CDH2: variants seen among roughly 807,000 people sequenced by gnomAD.
CDH2 encodes cadherin-2.
Under a neutral mutation model 92.0 loss-of-function variants are expected in CDH2, and 17 were observed. The ratio of observed to expected loss-of-function variants is 0.18; its 90% CI spans 0.13 to 0.28. The LOEUF (loss-of-function observed/expected upper bound fraction) is 0.28. Among genes scored for constraint, CDH2 ranks in the 10% least tolerant of loss-of-function variants. CDH2 has a pLI of 1.00. For synonymous variants in CDH2, 419 were observed against 415.9 expected (o/e 1.01, Z -0.09); for missense variants, 862 against 1,133.1 (o/e 0.76, Z 3.44).
intron 15 of CDH2, among the ~76,000 whole-genome samples, chr18:27,953,287 T>C (rs1203237295): frequency 6.6e-6 from 1 of 152,192 alleles, no homozygotes; most frequent in Admixed American, 6.6e-5. Context: ...GTAACTTTTG[T>C]AAGCAGATGC....
intron 2 of CDH2, among the ~76,000 whole-genome samples, chr18:28,129,227 G>A (rs1335413072): frequency 6.6e-6 from 1 of 152,074 alleles, no homozygotes; most frequent in Non-Finnish European, 1.5e-5. Context: ...CATTGCTAAT[G>A]CTAAATTATT....
At chr18:27,953,158 A>T (rs1567933699) in intron 15 of CDH2, among the ~76,000 whole-genome samples, 3 of 152,210 alleles carry the variant, frequency 2.0e-5, no homozygotes. Context: ...CAATATCTGT[A>T]CACGGTATAA....
intron 2 of CDH2, among the ~76,000 whole-genome samples, chr18:28,038,778 C>G (rs1287153331): frequency 6.6e-6 from 1 of 152,064 alleles, no homozygotes; most frequent in Non-Finnish European, 1.5e-5. Flanking sequence ...TTATTAGTTT[C>G]TTTACTCATG....
At chr18:28,087,733 T>G (rs773663021) in intron 2 of CDH2, among the ~76,000 whole-genome samples, 4 of 151,588 alleles carry the variant, frequency 2.6e-5, no homozygotes, top group African/African-American at 7.3e-5. Context: ...GCTCCAAATT[T>G]CAGAGGCTCA....
intron 2 of CDH2, among the ~76,000 whole-genome samples, chr18:28,049,723 C>T (rs1044876100): frequency 6.6e-6 from 1 of 152,222 alleles, no homozygotes; most frequent in Non-Finnish European, 1.5e-5. Context: ...TCAGCCACAT[C>T]CTGCAGACCT....
intron 2 of CDH2, among the ~76,000 whole-genome samples, chr18:28,088,546 A>C (rs1398109798): frequency 5.3e-5 from 8 of 152,140 alleles, no homozygotes; most frequent in Non-Finnish European, 1.2e-4. Flanking sequence ...TTTCAGCCTC[A>C]TGTGCTTGAA....
intron 1 of CDH2, among the ~76,000 whole-genome samples, chr18:28,175,968 G>A (rs751851390): frequency 5.9e-5 from 9 of 152,202 alleles, no homozygotes; most frequent in Admixed American, 2.6e-4. Context: ...CCAGGCCTGG[G>A]CTGGCTGGTC....
intron 9 of CDH2, among the ~76,000 whole-genome samples, chr18:27,990,781 T>C (rs2012390394): frequency 6.6e-6 from 1 of 152,186 alleles, no homozygotes; most frequent in Non-Finnish European, 1.5e-5. Context: ...CTATGATGAA[T>C]TGAAGAAAAC....
intron 1 of CDH2, among the ~76,000 whole-genome samples, chr18:28,161,443 G>A (rs2016304766): frequency 6.6e-6 from 1 of 152,026 alleles, no homozygotes; most frequent in Non-Finnish European, 1.5e-5. Flanking sequence ...AGCTGGGCAT[G>A]TTGGCACACA....
chr18:27,934,003 T>C (rs151073955), intron 6 of CDH2, among the ~76,000 whole-genome samples: 1 of 152,248 alleles, frequency 6.6e-6, no homozygotes, highest in Non-Finnish European at 1.5e-5. Flanking sequence ...AAATATGTTA[T>C]CAGCCAGTAA....
At chr18:27,955,052 T>C (rs997710726) in intron 15 of CDH2, among the ~76,000 whole-genome samples, 3 of 152,108 alleles carry the variant, frequency 2.0e-5, no homozygotes, top group African/African-American at 7.2e-5. Context: ...AAAACAAATA[T>C]TAAATTTTCA....
chr18:28,009,897 T>G, intron 4 of CDH2, 25 bp from the exon 5 acceptor site: 2 of 1,584,684 alleles, frequency 1.3e-6, no homozygotes, highest in Non-Finnish European at 1.7e-6. Context: ...AACAATGACA[T>G]TAAGTGAGAG....
chr18:27,956,663 A>G (rs1261001784), intron 15 of CDH2, among the ~76,000 whole-genome samples: 1 of 152,130 alleles, frequency 6.6e-6, no homozygotes, highest in East Asian at 1.9e-4. Flanking sequence ...TTCTGTCTCA[A>G]ACGTTATTTG....
chr18:28,139,319 C>A (rs1000440927), intron 2 of CDH2, among the ~76,000 whole-genome samples: 8 of 152,098 alleles, frequency 5.3e-5, no homozygotes, highest in Non-Finnish European at 8.8e-5. Context: ...GATTCTTTGA[C>A]CTCATTACAC....
At chr18:28,071,356 G>A (rs894998954) in intron 2 of CDH2, among the ~76,000 whole-genome samples, 1 of 152,088 alleles carries the variant, frequency 6.6e-6, no homozygotes, top group African/African-American at 2.4e-5. Context: ...GTACTAGTCA[G>A]AAGGTCACTC....
chr18:27,996,404 A>T (rs1379538552), intron 7 of CDH2, among the ~76,000 whole-genome samples: 1 of 152,164 alleles, frequency 6.6e-6, no homozygotes, highest in Admixed American at 6.5e-5. Context: ...GACAGGCCTC[A>T]TAACCAAGTA....
At chr18:28,118,590 AGTGTGTGTGT>A (rs57324446) in intron 2 of CDH2, among the ~76,000 whole-genome samples, 2 of 148,364 alleles carry the variant, frequency 1.3e-5, no homozygotes, top group African/African-American at 4.9e-5. Context: ...AATTTAGTTC[AGTGTGTGTGT>A]GTGTGTGTGT....
At chr18:28,096,081 G>T (rs2015130026) in intron 2 of CDH2, among the ~76,000 whole-genome samples, 1 of 152,114 alleles carries the variant, frequency 6.6e-6, no homozygotes, top group Non-Finnish European at 1.5e-5. Context: ...AACGTGTCTG[G>T]ATCCAAGTGG....
At chr18:28,056,026 C>T (rs941759011) in intron 2 of CDH2, among the ~76,000 whole-genome samples, 13 of 151,184 alleles carry the variant, frequency 8.6e-5, no homozygotes, top group Middle Eastern at 3.4e-3. Flanking sequence ...ACTCCATATT[C>T]GGGGAAAGTA....
Sources: allele counts gnomAD v4.1 joint callset (sites outside exome capture counted in the v4.1 genomes callset), GRCh38; gene constraint gnomAD v4.1.1; transcripts MANE v1.5; gene names NCBI Gene and HGNC (gene_info 2026-07-23, HGNC 2026-07-21).